The following LDLRAP1 variants were observed in gnomAD, a reference collection of about 807,000 sequenced individuals.
The protein encoded by LDLRAP1 is low density lipoprotein receptor adapter protein 1.
A neutral mutation model predicts 37.8 loss-of-function variants in LDLRAP1; 30 were observed. The observed-to-expected ratio is 0.79, with a 90% CI of 0.59 to 1.08. LDLRAP1 has a LOEUF of 1.08. Ranked by LOEUF, LDLRAP1 falls within the 50% of genes least tolerant of loss-of-function variation. The probability of loss-of-function intolerance (pLI) is 0.00; values close to 1 mark genes in which losing one functional copy is unlikely to be tolerated. For synonymous variants in LDLRAP1, 156 were observed against 169.8 expected, an observed-to-expected ratio of 0.92 and a Z score of 0.63; for missense variants, 375 against 401.6, an observed-to-expected ratio of 0.93 and a Z score of 0.57.
the LDLRAP1 span, among the ~76,000 whole-genome samples, chr1:25,582,994 C>T: frequency 2.0e-5 from 3 of 151,766 alleles, no homozygotes; most frequent in Non-Finnish European, 2.9e-5. Flanking sequence ...ATCACTTGAA[C>T]CCGGGAGGCA....
the LDLRAP1 span, among the ~76,000 whole-genome samples, chr1:25,583,230 C>T: frequency 4.2e-5 from 6 of 142,734 alleles, no homozygotes; most frequent in Non-Finnish European, 9.1e-5. Context: ...CACTCTGTTG[C>T]CCAGGCTGGA....
rs34531952 is a variant in LDLRAP1, at chr1:25,564,870, G to A, written c.748-303G>A. The A allele has an allele frequency of 9.1e-3, 3,801 of 419,590 alleles. 29 individuals carry two copies. The highest frequency in any genetic ancestry group is 0.015 in the Admixed American group (435 of 28,716). 26.0% of individuals were successfully genotyped at this position (419,590 alleles called of 1,614,324 possible). A position where few individuals can be genotyped will look rare whatever the true frequency, so the allele number is the denominator to read the frequency against. On this transcript the variant is annotated intron_variant, in intron 7 of 8. Coordinates refer to ENST00000374338, the MANE Select transcript of LDLRAP1 (RefSeq NM_015627.3). ...GAAGGAAAAGCTGAGTTTCAACGTG[G>A]AGCAGTGACTTGCCCAAGGTCTCAC...
rs2044451776 is a variant in LDLRAP1, at chr1:25,565,387, A to G, written c.782+180A>G. ...GGGCAGGGAGCTCACTGGGGAGGAA[A>G]CCCCTTCCAGCGTTGTCCAGAGCTG... is the stretch of plus-strand genomic sequence containing the variant. On this transcript the variant is annotated intron_variant, in intron 8 of 8. Transcript: ENST00000374338. Among the ~76,000 whole-genome samples, 3 of 152,042 alleles carry G rather than the reference A, an allele frequency of 2.0e-5. No individual in the cohort carries two copies. In the South Asian group the frequency reaches 6.2e-4, roughly 32 times the overall value.
downstream of LDLRAP1, among the ~76,000 whole-genome samples, chr1:25,573,658 C>T (rs1419160615): frequency 6.6e-6 from 1 of 152,202 alleles, no homozygotes; most frequent in African/African-American, 2.4e-5. Context: ...GAAAACCTGG[C>T]TGCCACACCT....
chr1:25,567,266 G>T lies in LDLRAP1; in HGVS notation c.*274G>T, dbSNP rs560503354. The T allele has an allele frequency of 1.2e-5, 6 of 517,612 alleles. No homozygotes were observed. The highest frequency in any genetic ancestry group is 9.9e-5 in the South Asian group (5 of 50,448). 32.1% of individuals were successfully genotyped at this position (517,612 alleles called of 1,614,324 possible). On this transcript the variant is annotated 3_prime_UTR_variant, in exon 9 of 9. Coordinates refer to ENST00000374338, the MANE Select transcript of LDLRAP1 (RefSeq NM_015627.3). The stretch of plus-strand genomic sequence containing the variant: ...CTGCGTCAGGCACGTCTCCTGCTGC[G>T]TGACATGTGCAGTGCTGTAATCGGC...
intron 4 of LDLRAP1, among the ~76,000 whole-genome samples, chr1:25,560,639 A>G (rs2124683772): frequency 6.6e-6 from 1 of 152,282 alleles, no homozygotes; most frequent in African/African-American, 2.4e-5. Context: ...ATCCTTGTGC[A>G]AGGTTTTTGC....
chr1:25,565,081 C>G (rs2044441384), intron 7 of LDLRAP1, 92 bp from the exon 8 acceptor site: 1 of 1,403,014 alleles, frequency 7.1e-7, no homozygotes, highest in Non-Finnish European at 1.0e-6. Flanking sequence ...TGTCCTGAGT[C>G]CCTGTAGCTT....
chr1:25,547,486 TAATAAATAAATAAATA>T (rs71014373), intron 1 of LDLRAP1, among the ~76,000 whole-genome samples: 62 of 145,842 alleles, frequency 4.3e-4, no homozygotes, highest in Admixed American at 4.8e-4. Context: ...TTGTCTCAAA[TAATAAATAAATAAATA>T]AATAAATAAA....
chr1:25,589,111 C>T, the LDLRAP1 span, among the ~76,000 whole-genome samples: 1 of 152,106 alleles, frequency 6.6e-6, no homozygotes, highest in Non-Finnish European at 1.5e-5. Context: ...CGAGACCAGC[C>T]TGACCAACAT....
In LDLRAP1 at chr1:25,563,713, G is replaced by A; in HGVS notation, c.669G>A (p.Leu223=). 6.2e-7 allele frequency: 1 copy of A among 1,613,970 alleles called. No homozygotes were observed. The highest frequency in any genetic ancestry group is 8.5e-7 in the Non-Finnish European group (1 of 1,180,034). Residue 223 remains leucine (L), a synonymous_variant, in exon 7 of 9, where the codon CTG becomes CTA. Coordinates refer to ENST00000374338, the MANE Select transcript of LDLRAP1 (RefSeq NM_015627.3). ...LDLEETAKAP[L]STVSANTTNM... ...TAGAGGAGACAGCTAAGGCCCCGCTGTCCACGGTCAGCGCCAACACCACCA... is the reference window on the plus strand; with the variant it reads ...TAGAGGAGACAGCTAAGGCCCCGCTATCCACGGTCAGCGCCAACACCACCA...
downstream of LDLRAP1, among the ~76,000 whole-genome samples, chr1:25,572,209 G>C (rs550993073): frequency 2.0e-5 from 3 of 152,230 alleles, no homozygotes; most frequent in South Asian, 6.2e-4. Flanking sequence ...CTGGCACAGA[G>C]TGGCCATCAG....
At chr1:25,570,914 C>T (rs2124710012), downstream of LDLRAP1, among the ~76,000 whole-genome samples, 1 of 152,272 alleles carries the variant, frequency 6.6e-6, no homozygotes, top group South Asian at 2.1e-4. Context: ...TTGCACCTAA[C>T]ACTGGTGATA....
In LDLRAP1 at chr1:25,555,213, C is replaced by T. The variant is rs1255795106; in HGVS notation, c.344+241C>T. Among the ~76,000 whole-genome samples, 1 of 152,234 alleles carries T rather than the reference C, an allele frequency of 6.6e-6. No homozygotes were observed. Among genetic ancestry groups the T allele is most frequent in the Non-Finnish European group, 1.5e-5 (1 of 68,036 alleles). Reference sequence around the variant, plus strand: ...GTGGCAGCTGCTGCTGTCATCATCACCAGTTGCAGAAGACAGCTGAGCCCA... The same window carrying T: ...GTGGCAGCTGCTGCTGTCATCATCATCAGTTGCAGAAGACAGCTGAGCCCA... On this transcript the variant is annotated intron_variant, in intron 3 of 8. Transcript: ENST00000374338. The surrounding 1 kb of genome is among the most constrained non-coding windows in gnomAD (Gnocchi z 4.7).
rs542098426 is a variant in LDLRAP1, at chr1:25,544,508, C to T, written c.88+722C>T. On this transcript the variant is annotated intron_variant, in intron 1 of 8. Transcript: ENST00000374338. This position sits in a 1 kb window ranked among gnomAD's most constrained non-coding sequence, Gnocchi z 4.8. ...TTTCTCTCGCACCTTTCCCCTCGGG[C>T]TTCCAGAGTCCCTTGGGTGCCCAGG... Among the ~76,000 whole-genome samples, 438 of 152,326 alleles carry T rather than the reference C, an allele frequency of 2.9e-3. 3 individuals carry two copies. The highest frequency in any genetic ancestry group is 0.01 in the African/African-American group (421 of 41,586).
chr1:25,575,723 A>T, the LDLRAP1 span, among the ~76,000 whole-genome samples: 1 of 152,064 alleles, frequency 6.6e-6, no homozygotes, highest in Admixed American at 6.5e-5. Context: ...TACTGTGGAG[A>T]TTAAATGAGC....
At chr1:25,551,655 G>C (rs1208196504) in intron 1 of LDLRAP1, among the ~76,000 whole-genome samples, 1 of 152,206 alleles carries the variant, frequency 6.6e-6, no homozygotes, top group Non-Finnish European at 1.5e-5. Context: ...ACATCTCAGG[G>C]ACTTTCACAT....
rs1572034459 is a variant in LDLRAP1 at position 25,554,269 on chromosome 1, A to G, written c.231+205A>G. On this transcript the variant is annotated intron_variant, in intron 2 of 8. Coordinates refer to ENST00000374338, the MANE Select transcript of LDLRAP1 (RefSeq NM_015627.3). This position sits in a 1 kb window ranked among gnomAD's most constrained non-coding sequence, Gnocchi z 5.4. ...CACGGTTAGTGGCTTCCCTCCAGCC[A>G]TTATGGCCTCTTCCAGCCTCCCCAC... Among the ~76,000 whole-genome samples, 2 of 152,100 alleles carry G rather than the reference A, an allele frequency of 1.3e-5. No individual in the cohort carries two copies. The highest frequency in any genetic ancestry group is 1.3e-4 in the Admixed American group (2 of 15,280).
At chr1:25,579,533 A>T in the LDLRAP1 span, among the ~76,000 whole-genome samples, 1 of 152,246 alleles carries the variant, frequency 6.6e-6, no homozygotes, top group South Asian at 2.1e-4. Context: ...CATCAAAGAT[A>T]AGAGAATTGT....
At chr1:25,556,410 G>A (rs546548566) in intron 3 of LDLRAP1, among the ~76,000 whole-genome samples, 9 of 152,232 alleles carry the variant, frequency 5.9e-5, no homozygotes, top group African/African-American at 1.9e-4. Flanking sequence ...GTCTCCTCCC[G>A]GGCCCACTGG....
Sources: gnomAD v4.1 joint callset for allele counts (sites outside exome capture counted in the v4.1 genomes callset) on GRCh38, gnomAD v4.1.1 for gene constraint, Gnocchi (gnomAD v3.1) non-coding constraint, MANE v1.5 for transcripts, NCBI Gene and HGNC (gene_info 2026-07-23, HGNC 2026-07-21) for gene names.